MYH3: variants seen among roughly 807,000 people sequenced by gnomAD.
MYH3 encodes myosin-3.
A neutral mutation model predicts 238.0 loss-of-function variants in MYH3; 130 were observed. That is an observed-to-expected ratio of 0.55 (90% CI 0.47 to 0.63). MYH3 has a LOEUF of 0.63. Ranked by LOEUF, MYH3 falls within the 30% of genes least tolerant of loss-of-function variation. The pLI, the probability that MYH3 is intolerant of heterozygous loss-of-function variation, is 0.00. For synonymous variants in MYH3, 880 were observed against 924.1 expected (o/e 0.95, Z 0.86); for missense variants, 1,853 against 2,374.9 (o/e 0.78, Z 4.57).
intron 36 of MYH3, among the ~76,000 whole-genome samples, chr17:10,631,307 T>C (rs2074154196): frequency 2.0e-5 from 3 of 152,214 alleles, no homozygotes; most frequent in African/African-American, 7.2e-5. Context: ...GGGAAAAATG[T>C]GTGGGATATT....
chr17:10,660,094 C>T (rs1182837071), upstream of MYH3, among the ~76,000 whole-genome samples: 1 of 152,242 alleles, frequency 6.6e-6, no homozygotes, highest in Non-Finnish European at 1.5e-5. Flanking sequence ...CACGTGATGG[C>T]AGGCAGTGTG....
the MYH3 span, among the ~76,000 whole-genome samples, chr17:10,664,326 A>C: frequency 1.3e-5 from 2 of 152,274 alleles, no homozygotes; most frequent in African/African-American, 4.8e-5. Flanking sequence ...GAGGAAACCA[A>C]GGCACGAGAC....
rs562157634 is a variant in MYH3, at chr17:10,652,280, C to T, written c.348+140G>A. Reference sequence around the variant, plus strand: ...CCTCTTGCTTTCTTGCCTTCTTTCTCCTCCGTCTTTGTGTTTTGTTCATCA... The same window carrying T: ...CCTCTTGCTTTCTTGCCTTCTTTCTTCTCCGTCTTTGTGTTTTGTTCATCA... On this transcript the variant is annotated intron_variant, in intron 4 of 40. Transcript: ENST00000583535. 2.7e-6 allele frequency: 3 copies of T among 1,103,520 alleles called. No individual in the cohort carries two copies. In the South Asian group the frequency reaches 3.8e-5, roughly 14 times the overall value. The allele number at this position is 1,103,520 out of a possible 1,614,324, so 68.4% of individuals were successfully genotyped here. A position where few individuals can be genotyped will look rare whatever the true frequency, so the allele number is the denominator to read the frequency against.
chr17:10,652,594 A>AGATGGTCT, intron 3 of MYH3, 31 bp from the exon 4 acceptor site: 1 of 1,401,906 alleles, frequency 7.1e-7, no homozygotes, highest in South Asian at 1.1e-5. Context: ...TGCTTCACTA[A>AGATGGTCT]GATGGTCTGC....
rs7214436 is a variant in MYH3, at chr17:10,651,564, G to A, written c.453C>T (p.Ala151=). The part of the protein sequence containing the change: ...EGYRGKKRQE[A]PPHIFSISDN... ...CAGAGATGGAGAAGATGTGGGGTGG[G>A]GCCTCCTGGCGCTTTTTGCCTCGGT... The change falls in exon 5 of 41, where the codon GCC becomes GCT. Residue 151 remains alanine, a synonymous_variant. Coordinates refer to ENST00000583535, the MANE Select transcript of MYH3 (RefSeq NM_002470.4). 1.1e-3 allele frequency: 1,771 copies of A among 1,613,922 alleles called. 19 individuals carry two copies. The African/African-American group carries it at 0.021, about 19-fold the overall frequency.
chr17:10,650,490 T>G (rs967375028), intron 5 of MYH3, 89 bp from the exon 6 acceptor site: 6 of 1,196,648 alleles, frequency 5.0e-6, no homozygotes, highest in Non-Finnish European at 7.4e-6. Flanking sequence ...AGAGTTAAAT[T>G]GCACAATTCC....
In MYH3 at chr17:10,654,185, TCTTC is replaced by T. The variant is rs2074406168; in HGVS notation, c.204+672_204+675del. Among the ~76,000 whole-genome samples the T allele has an allele frequency of 6.6e-6, 1 of 151,660 alleles. No individual in the cohort carries two copies. Among genetic ancestry groups the T allele is most frequent in the African/African-American group, 2.4e-5 (1 of 41,318 alleles). On this transcript the variant is annotated intron_variant, in intron 3 of 40. Coordinates refer to ENST00000583535, the MANE Select transcript of MYH3 (RefSeq NM_002470.4). The surrounding 1 kb of genome is among the most constrained non-coding windows in gnomAD (Gnocchi z 4.5). ...TCTTTCCTTCCTTCCTTGCTTTCTT[TCTTC>T]CTTCTTTCTTTCCTTCCTTCCTTCC...
At position 10,628,687 on chromosome 17, in the gene MYH3, G is replaced by T. The variant is rs1358048776; in HGVS notation, c.5797-8C>A. 6.2e-7 allele frequency: 1 copy of T among 1,614,202 alleles called. No individual in the cohort carries two copies. Among genetic ancestry groups the T allele is most frequent in the Admixed American group, 1.7e-5 (1 of 60,022 alleles). On this transcript the variant is annotated splice_polypyrimidine_tract_variant and splice_region_variant and intron_variant, in intron 40 of 40. Coordinates refer to ENST00000583535, the MANE Select transcript of MYH3 (RefSeq NM_002470.4). The stretch of plus-strand genomic sequence containing the variant: ...ACTCTCGTGGACCACCATCTAGGAA[G>T]AAAGTAGGCACCTGGAGTCAAGTCG...
At chr17:10,655,106 C>A (rs1701231288) in intron 2 of MYH3, 34 bp from the exon 3 acceptor site, 1 of 1,576,356 alleles carries the variant, frequency 6.3e-7, no homozygotes, top group East Asian at 2.2e-5. Context: ...AGCTCAGCAG[C>A]CCCCTTGCCA....
chr17:10,630,377 T>C lies in MYH3; in HGVS notation c.5368A>G (p.Thr1790Ala). Residue 1790 changes from threonine (T) to alanine (A), a missense_variant, in exon 37 of 41, where the codon ACG becomes GCG. By Grantham distance (58) the Thr-to-Ala change is moderately conservative. Around this residue, in one of 3 missense-constraint regions of MYH3, gnomAD observed 1,044 missense variants for 1,192.6 expected, o/e 0.88. Transcript: ENST00000583535. ...LERMKKNLEQ[T>A]VKDLQHRLDE... is the part of the protein sequence containing the mutation. ...AGACGATGCTGCAGGTCCTTCACCG[T>C]CTGTTCCAGGTTCTTCTTCATCCGC... is the stretch of plus-strand genomic sequence containing the variant. 2 of 1,614,210 alleles carry C rather than the reference T, an allele frequency of 1.2e-6. No individual in the cohort carries two copies. Among genetic ancestry groups the C allele is most frequent in the Non-Finnish European group, 1.7e-6 (2 of 1,180,044 alleles).
Position 10,647,195 on chromosome 17 carries a change from C to G in MYH3, c.885G>C (p.Lys295Asn). The G allele has an allele frequency of 6.2e-7, 1 of 1,614,036 alleles. No individual in the cohort carries two copies. The highest frequency in any genetic ancestry group is 8.5e-7 in the Non-Finnish European group (1 of 1,179,880). ...HIFYQILSNK[K>N]PELIELLLIT... ...TGACTTCCTCACCTATGAGCTCAGG[C>G]TTCTTGTTAGAAAGAATCTGGTAGA... Residue 295 changes from lysine (K) to asparagine (N), a missense_variant, in exon 10 of 41, where the codon AAG (lysine) becomes AAC (asparagine). Transcript: ENST00000583535.
In MYH3 at chr17:10,629,791, C is replaced by T. The variant is rs1395595373; in HGVS notation, c.5658+51G>A. The T allele has an allele frequency of 3.1e-6, 5 of 1,613,980 alleles. No individual in the cohort carries two copies. The Admixed American group carries it at 8.3e-5, about 27-fold the overall frequency. On this transcript the variant is annotated intron_variant, in intron 39 of 40. Coordinates refer to ENST00000583535, the MANE Select transcript of MYH3 (RefSeq NM_002470.4). ...AGCACGCGCCTCTCTCAGAACTCACCACGGGAAACAGCACGGTCTGCCTGC... is the reference window on the plus strand; with the variant it reads ...AGCACGCGCCTCTCTCAGAACTCACTACGGGAAACAGCACGGTCTGCCTGC...
the MYH3 span, among the ~76,000 whole-genome samples, chr17:10,669,278 T>A: frequency 6.6e-6 from 1 of 151,942 alleles, no homozygotes; most frequent in Non-Finnish European, 1.5e-5. Flanking sequence ...TGAGGCCGGG[T>A]GCGGTGGCTC....
rs1437714349 is a variant in MYH3, at chr17:10,635,483, C to T, written c.4056G>A (p.Gln1352=). 1 of 1,614,112 alleles carries T rather than the reference C, an allele frequency of 6.2e-7. No individual in the cohort carries two copies. Among genetic ancestry groups the T allele is most frequent in the African/African-American group, 1.3e-5 (1 of 74,948 alleles). The part of the protein sequence containing the change: ...DLLREQYEEE[Q]EGKAELQRAL... The stretch of plus-strand genomic sequence containing the variant: ...CCCTCTGCAGCTCAGCTTTGCCTTC[C>T]TGCTCCTCCTCATACTGTTCCCGCA... The change falls in exon 30 of 41, where the codon CAG becomes CAA. Residue 1352 remains glutamine, a synonymous_variant. Transcript: ENST00000583535.
the MYH3 span, chr17:10,674,533 C>A: frequency 5.0e-6 from 1 of 201,220 alleles, no homozygotes; most frequent in African/African-American, 2.4e-5. Context: ...GTGACACTGC[C>A]GGACCACAGA....
chr17:10,654,953 A>C lies in MYH3; in HGVS notation c.112T>G (p.Cys38Gly). ...QNQPFDAKTY[C>G]FVVDSKEEYA... is the part of the protein sequence containing the mutation. ...TCTTCCTTTGAGTCCACCACGAAGC[A>C]ATACGTCTTGGCATCAAAGGGCTGG... Residue 38 changes from cysteine (C) to glycine (G), a missense_variant, in exon 3 of 41, where the codon TGC (cysteine) becomes GGC (glycine). By Grantham distance (159) the Cys-to-Gly change is radical. Around this residue, in one of 3 missense-constraint regions of MYH3, gnomAD observed 131 missense variants for 123.5 expected, o/e 1.06. Transcript: ENST00000583535. The surrounding 1 kb of genome is among the most constrained non-coding windows in gnomAD (Gnocchi z 4.5). 1 of 1,614,150 alleles carries C rather than the reference A, an allele frequency of 6.2e-7. No homozygotes were observed. The highest frequency in any genetic ancestry group is 8.5e-7 in the Non-Finnish European group (1 of 1,180,006).
chr17:10,631,478 G>A (rs1351507724), intron 36 of MYH3, 133 bp downstream of exon 36: 50 of 1,316,148 alleles, frequency 3.8e-5, no homozygotes, highest in South Asian at 8.8e-5. Flanking sequence ...GAGTTTGAGC[G>A]GAGATGGGAG....
At position 10,638,237 on chromosome 17, in the gene MYH3, G is replaced by C. The variant is rs375904355; in HGVS notation, c.3535C>G (p.Leu1179Val). The change falls in exon 27 of 41, where the codon CTG (leucine) becomes GTG (valine). Residue 1179 changes from leucine to valine, a missense_variant. Coordinates refer to ENST00000583535, the MANE Select transcript of MYH3 (RefSeq NM_002470.4). Reference protein sequence around the residue: ...EAEFLKLRRDLEEATLQHEAM... With the variant: ...EAEFLKLRRDVEEATLQHEAM... ...TCGTGCTGCAGTGTGGCCTCCTCCA[G>C]GTCCCTGCGCAGCTTCAGGAACTCC... The C allele has an allele frequency of 2.9e-5, 47 of 1,613,894 alleles. No homozygotes were observed. In the African/African-American group the frequency reaches 6.0e-4, roughly 21 times the overall value.
intron 39 of MYH3, 25 bp from the exon 40 acceptor site, chr17:10,629,759 T>G (rs1597479926): frequency 6.2e-7 from 1 of 1,614,146 alleles, no homozygotes; most frequent in East Asian, 2.2e-5. Flanking sequence ...CCCAGGCAGG[T>G]TATATCAGCA....
Sources: allele counts gnomAD v4.1 joint callset (sites outside exome capture counted in the v4.1 genomes callset), GRCh38; gene constraint gnomAD v4.1.1; regional missense constraint gnomAD v4.1.1; non-coding constraint Gnocchi (gnomAD v3.1); transcripts MANE v1.5; gene names NCBI Gene and HGNC (gene_info 2026-07-23, HGNC 2026-07-21).